Variants in SDK1 observed in about 807,000 individuals in gnomAD.
SDK1 encodes sidekick cell adhesion molecule 1.
A neutral mutation model predicts 245.5 loss-of-function variants in SDK1; 157 were observed. That is an observed-to-expected ratio of 0.64 (90% CI 0.56 to 0.73). SDK1 has a LOEUF of 0.73. SDK1 is among the 30% of genes least tolerant of loss of function. The pLI, the probability that SDK1 is intolerant of heterozygous loss-of-function variation, is 0.00. For missense variants in SDK1, 3,583 were observed against 3,002.3 expected, an observed-to-expected ratio of 1.19 and a Z score of -4.52; for synonymous variants, 1,647 against 1,278.5, an observed-to-expected ratio of 1.29 and a Z score of -6.15.
intron 5 of SDK1, among the ~76,000 whole-genome samples, chr7:3,867,658 C>T (rs571695928): frequency 2.0e-5 from 3 of 152,276 alleles, no homozygotes; most frequent in South Asian, 4.1e-4. Context: ...TTCCATGATT[C>T]GGTTACCTCC....
At chr7:3,609,355 T>C (rs572471062) in intron 1 of SDK1, among the ~76,000 whole-genome samples, 2 of 152,280 alleles carry the variant, frequency 1.3e-5, no homozygotes, top group South Asian at 4.2e-4. Context: ...GTTAAGTAGA[T>C]TGTCCAAGAT....
chr7:3,515,909 T>G (rs1782731305), intron 1 of SDK1, among the ~76,000 whole-genome samples: 1 of 152,144 alleles, frequency 6.6e-6, no homozygotes, highest in African/African-American at 2.4e-5. Context: ...TGGAAGAGAT[T>G]TAGCTGAAAT....
chr7:3,503,817 C>T (rs182388107), intron 1 of SDK1, among the ~76,000 whole-genome samples: 8 of 151,758 alleles, frequency 5.3e-5, no homozygotes, highest in Non-Finnish European at 7.4e-5. Flanking sequence ...AATGGAAAGG[C>T]GTGATGTGTT....
At chr7:3,470,016 A>G (rs1322512458) in intron 1 of SDK1, among the ~76,000 whole-genome samples, 7 of 152,306 alleles carry the variant, frequency 4.6e-5, no homozygotes, top group Non-Finnish European at 7.3e-5. Context: ...ATCAATGGCC[A>G]GAAGCAACTG....
Position 3,814,336 on chromosome 7 carries a change from G to A in SDK1, c.714-7114G>A, listed in dbSNP as rs1265582471. On this transcript the variant is annotated intron_variant, in intron 4 of 44. Coordinates refer to ENST00000404826, the MANE Select transcript of SDK1 (RefSeq NM_152744.4). Reference sequence around the variant, plus strand: ...AGTTTCAGCTTTCTACATATGGCTAGCCAGTTTTCCCAGCACCATTTATTA... The same window carrying A: ...AGTTTCAGCTTTCTACATATGGCTAACCAGTTTTCCCAGCACCATTTATTA... 3.1e-4 allele frequency among the ~76,000 whole-genome samples: 46 copies of A among 148,020 alleles called. 1 individual carries two copies. In the South Asian group the frequency reaches 9.6e-3, roughly 31 times the overall value.
chr7:3,334,108 A>C (rs4336505), intron 1 of SDK1, among the ~76,000 whole-genome samples: 91,357 of 152,106 alleles, frequency 0.6, 28,408 homozygotes, highest in African/African-American at 0.78. Flanking sequence ...CATGATCTGA[A>C]GGAACCTAAA....
chr7:3,419,238 T>C (rs979879180), intron 1 of SDK1, among the ~76,000 whole-genome samples: 6 of 152,198 alleles, frequency 3.9e-5, no homozygotes, highest in African/African-American at 1.2e-4. Flanking sequence ...CTTAAGGACT[T>C]TGCCCGAAGT....
intron 4 of SDK1, among the ~76,000 whole-genome samples, chr7:3,772,639 A>G (rs536069757): frequency 3.9e-5 from 6 of 152,200 alleles, no homozygotes; most frequent in Non-Finnish European, 5.9e-5. Flanking sequence ...AGCTTTTACA[A>G]TTGCTTATGT....
At chr7:4,096,175 CAG>C (rs1562802747) in intron 22 of SDK1, among the ~76,000 whole-genome samples, 1 of 152,208 alleles carries the variant, frequency 6.6e-6, no homozygotes, top group Admixed American at 6.5e-5. Context: ...TTAGAAATCC[CAG>C]AGTCTCCTGG....
At chr7:3,459,674 G>A (rs149750121) in intron 1 of SDK1, among the ~76,000 whole-genome samples, 51 of 152,258 alleles carry the variant, frequency 3.3e-4, no homozygotes, top group Non-Finnish European at 4.3e-4. Flanking sequence ...AAATTGCTTC[G>A]TCGCATATTG....
At chr7:3,875,578 A>G (rs912014382) in intron 5 of SDK1, among the ~76,000 whole-genome samples, 2 of 152,102 alleles carry the variant, frequency 1.3e-5, no homozygotes, top group South Asian at 4.1e-4. Context: ...CTTTATCCCC[A>G]CTTCAGCTTC....
chr7:3,645,169 C>A (rs966103794), intron 4 of SDK1, among the ~76,000 whole-genome samples: 36 of 152,166 alleles, frequency 2.4e-4, no homozygotes, highest in Non-Finnish European at 2.6e-4. Context: ...CTTGCAAATA[C>A]ATGCTAAAGC....
At chr7:3,862,593 G>T (rs1404936671) in intron 5 of SDK1, among the ~76,000 whole-genome samples, 1 of 152,144 alleles carries the variant, frequency 6.6e-6, no homozygotes. Context: ...TGAATTATTT[G>T]TTAGGCAAAG....
At chr7:3,949,077 T>C (rs1780691869) in intron 5 of SDK1, among the ~76,000 whole-genome samples, 1 of 152,048 alleles carries the variant, frequency 6.6e-6, no homozygotes, top group South Asian at 2.1e-4. Flanking sequence ...TTCTCAGAAA[T>C]CTGATAACCA....
At chr7:3,481,002 A>AT (rs1267502039) in intron 1 of SDK1, among the ~76,000 whole-genome samples, 1 of 152,156 alleles carries the variant, frequency 6.6e-6, no homozygotes, top group Non-Finnish European at 1.5e-5. Flanking sequence ...ATGTATATAG[A>AT]TTTTGAATTT....
intron 5 of SDK1, among the ~76,000 whole-genome samples, chr7:3,823,328 A>G (rs1416170555): frequency 1.3e-5 from 2 of 152,204 alleles, no homozygotes; most frequent in Admixed American, 6.5e-5. Context: ...CAATTGTAAT[A>G]TAACTACCAG....
chr7:3,385,019 C>G (rs1004312746), intron 1 of SDK1, among the ~76,000 whole-genome samples: 1 of 134,034 alleles, frequency 7.5e-6, no homozygotes, highest in African/African-American at 2.5e-5. Context: ...TAGATGTGCT[C>G]TCTCTAGAGA....
chr7:3,704,969 G>A (rs189993829), intron 4 of SDK1, among the ~76,000 whole-genome samples: 2 of 152,174 alleles, frequency 1.3e-5, no homozygotes, highest in East Asian at 3.9e-4. Context: ...TTATGTTTTT[G>A]CGTGCTTTGT....
chr7:3,578,906 A>C (rs1342791439), intron 1 of SDK1, among the ~76,000 whole-genome samples: 2 of 151,966 alleles, frequency 1.3e-5, no homozygotes, highest in East Asian at 3.9e-4. Flanking sequence ...AGTGGACCTG[A>C]GGTGACATAC....
Sources: allele counts gnomAD v4.1 joint callset (sites outside exome capture counted in the v4.1 genomes callset), GRCh38; gene constraint gnomAD v4.1.1; transcripts MANE v1.5; gene names NCBI Gene and HGNC (gene_info 2026-07-23, HGNC 2026-07-21).